Variants in GPM6A observed in about 807,000 individuals in gnomAD.
The protein encoded by GPM6A is glycoprotein M6A, also known as neuronal membrane glycoprotein M6-a.
A neutral mutation model predicts 32.1 loss-of-function variants in GPM6A; 7 were observed. That is an observed-to-expected ratio of 0.22 (90% CI 0.12 to 0.41). The LOEUF (loss-of-function observed/expected upper bound fraction) is 0.41. Ranked by LOEUF, GPM6A falls within the 10% of genes least tolerant of loss-of-function variation. The pLI is 1.00. For synonymous variants in GPM6A, 130 were observed against 123.4 expected, an observed-to-expected ratio of 1.05 and a Z score of -0.35; for missense variants, 235 against 347.2, an observed-to-expected ratio of 0.68 and a Z score of 2.57.
intron 1 of GPM6A, among the ~76,000 whole-genome samples, chr4:175,804,031 A>T (rs916418851): frequency 2.0e-5 from 3 of 152,188 alleles, no homozygotes; most frequent in Non-Finnish European, 4.4e-5. Flanking sequence ...CCACTAAATG[A>T]ATCTGGCTTT....
intron 1 of GPM6A, among the ~76,000 whole-genome samples, chr4:175,787,101 G>A (rs1301456432): frequency 6.7e-6 from 1 of 149,256 alleles, no homozygotes; most frequent in Non-Finnish European, 1.5e-5. Flanking sequence ...TCTTTTTTTT[G>A]TTGTTGTTTT....
chr4:175,769,352 T>TG (rs1733098058), intron 1 of GPM6A, among the ~76,000 whole-genome samples: 1 of 151,996 alleles, frequency 6.6e-6, no homozygotes, highest in Admixed American at 6.6e-5. Flanking sequence ...TATTATTAAA[T>TG]GAAAAAAATG....
intron 1 of GPM6A, among the ~76,000 whole-genome samples, chr4:175,764,866 T>TTAC (rs1167936550): frequency 6.8e-6 from 1 of 147,812 alleles, no homozygotes; most frequent in Admixed American, 6.8e-5. Context: ...ATTATTATTA[T>TTAC]TATTATTATT....
chr4:175,654,338 C>A (rs536684195), intron 3 of GPM6A: 1 of 152,082 alleles, frequency 6.6e-6, no homozygotes, highest in Non-Finnish European at 1.5e-5. Flanking sequence ...TTTATACTTC[C>A]GTTTCTGTTT....
At chr4:175,998,363 G>T (rs1741374749) in intron 1 of GPM6A, among the ~76,000 whole-genome samples, 1 of 151,840 alleles carries the variant, frequency 6.6e-6, no homozygotes. Context: ...TGTTGCTCAG[G>T]TTGGTCTCAA....
intron 4 of GPM6A, among the ~76,000 whole-genome samples, chr4:175,645,423 T>C (rs1741399484): frequency 6.6e-6 from 1 of 151,910 alleles, no homozygotes; most frequent in Non-Finnish European, 1.5e-5. Flanking sequence ...TGTAAATTCC[T>C]CTTAAGAAAA....
chr4:175,660,228 T>A (rs974276845), intron 3 of GPM6A, among the ~76,000 whole-genome samples: 5 of 151,928 alleles, frequency 3.3e-5, no homozygotes, highest in Admixed American at 1.3e-4. Flanking sequence ...TGAAACCCCG[T>A]CTCTACTAAA....
intron 1 of GPM6A, among the ~76,000 whole-genome samples, chr4:175,996,299 A>G (rs1327317706): frequency 6.6e-6 from 1 of 152,212 alleles, no homozygotes; most frequent in Non-Finnish European, 1.5e-5. Flanking sequence ...CCTTAGTTAA[A>G]TACATCTCTT....
chr4:175,754,916 T>C (rs1282684122), intron 1 of GPM6A, among the ~76,000 whole-genome samples: 1 of 152,048 alleles, frequency 6.6e-6, no homozygotes, highest in African/African-American at 2.4e-5. Flanking sequence ...CAAATACATC[T>C]CAATTTCTGT....
chr4:175,659,660 A>T (rs1742289645), intron 3 of GPM6A, among the ~76,000 whole-genome samples: 1 of 152,244 alleles, frequency 6.6e-6, no homozygotes, highest in Non-Finnish European at 1.5e-5. Context: ...TAAGTTTATC[A>T]TGTCATATTA....
chr4:175,873,795 A>C (rs919267727), intron 1 of GPM6A, among the ~76,000 whole-genome samples: 2 of 152,144 alleles, frequency 1.3e-5, no homozygotes, highest in African/African-American at 4.8e-5. Context: ...AAATCCAAAT[A>C]TTTGTATTCA....
chr4:175,721,266 A>G (rs965430656), intron 1 of GPM6A, among the ~76,000 whole-genome samples: 5 of 151,110 alleles, frequency 3.3e-5, no homozygotes, highest in African/African-American at 1.2e-4. Context: ...ATCTGAGGTC[A>G]GGAGATCGAG....
intron 1 of GPM6A, among the ~76,000 whole-genome samples, chr4:175,916,708 A>G (rs1738505303): frequency 6.6e-6 from 1 of 152,154 alleles, no homozygotes; most frequent in Non-Finnish European, 1.5e-5. Context: ...TTCTAATTAT[A>G]GAATCAGATG....
intron 1 of GPM6A, among the ~76,000 whole-genome samples, chr4:175,847,014 G>A (rs1736112779): frequency 1.3e-5 from 2 of 152,070 alleles, no homozygotes; most frequent in African/African-American, 2.4e-5. Context: ...AAGAATCAAC[G>A]AATCTCCCTT....
chr4:175,711,664 G>A (rs986815984), intron 1 of GPM6A, among the ~76,000 whole-genome samples: 7 of 146,390 alleles, frequency 4.8e-5, no homozygotes, highest in South Asian at 2.2e-4. Context: ...ATCCCCAGCT[G>A]TCTTGTGCAT....
Position 175,852,790 on chromosome 4 carries a change from G to GA in GPM6A, c.-22-40542dup, listed in dbSNP as rs761031505. Reference sequence around the variant, plus strand: ...CATCTGCTGTCAGGGAAACAGGAAGGAAAAAAATCTTGAAACTTCAATGAA... The same window carrying GA: ...CATCTGCTGTCAGGGAAACAGGAAGGAAAAAAAATCTTGAAACTTCAATGAA... On this transcript the variant is annotated intron_variant, in intron 1 of 7. Transcript: ENST00000280187. Among the ~76,000 whole-genome samples, 9 of 151,766 alleles carry GA rather than the reference G, an allele frequency of 5.9e-5. No homozygotes were observed. The East Asian group carries it at 9.7e-4, about 16-fold the overall frequency.
At chr4:175,979,390 C>T (rs1238534266) in intron 1 of GPM6A, among the ~76,000 whole-genome samples, 1 of 152,198 alleles carries the variant, frequency 6.6e-6, no homozygotes, top group Non-Finnish European at 1.5e-5. Context: ...CAGCCTATTA[C>T]TAAAGCAGAG....
At chr4:175,780,695 A>G (rs1046702910) in intron 1 of GPM6A, among the ~76,000 whole-genome samples, 1 of 152,212 alleles carries the variant, frequency 6.6e-6, no homozygotes, top group Non-Finnish European at 1.5e-5. Flanking sequence ...TCCACTACAC[A>G]AATTAGCCAG....
rs994712740 is a variant in GPM6A at position 175,633,183 on chromosome 4, C to A, written c.*1722G>T. ...GAAATTATCACAAACTGTTAAGACACGGAACTGAAATACTATAATATAGAA... is the reference window on the plus strand; with the variant it reads ...GAAATTATCACAAACTGTTAAGACAAGGAACTGAAATACTATAATATAGAA... On this transcript the variant is annotated 3_prime_UTR_variant, in exon 7 of 7. Coordinates refer to ENST00000393658, the MANE Select transcript of GPM6A (RefSeq NM_201591.3). 2.6e-5 allele frequency: 4 copies of A among 152,322 alleles called. No homozygotes were observed. The highest frequency in any genetic ancestry group is 9.7e-5 in the African/African-American group (4 of 41,400). The allele number at this position is 152,322 out of a possible 1,614,324, so 9.4% of individuals were successfully genotyped here.
Sources: allele counts gnomAD v4.1 joint callset (sites outside exome capture counted in the v4.1 genomes callset), GRCh38; gene constraint gnomAD v4.1.1; transcripts MANE v1.5; gene names NCBI Gene and HGNC (gene_info 2026-07-23, HGNC 2026-07-21).